RAD51B: variants seen among roughly 807,000 people sequenced by gnomAD.
The protein encoded by RAD51B is DNA repair protein RAD51 homolog 2.
A neutral mutation model predicts 42.2 loss-of-function variants in RAD51B; 38 were observed. That is an observed-to-expected ratio of 0.90 (90% CI 0.70 to 1.18). The LOEUF (loss-of-function observed/expected upper bound fraction) is 1.18, where lower values mean the gene tolerates loss of function less well. Among genes scored for constraint, RAD51B ranks in the 50% most tolerant of loss-of-function variants. The pLI is 0.00. For missense variants in RAD51B, 373 were observed against 400.7 expected (o/e 0.93, Z 0.59); for synonymous variants, 154 against 145.2 (o/e 1.06, Z -0.43).
chr14:68,627,709 A>G (rs1254974494), intron 10 of RAD51B, among the ~76,000 whole-genome samples: 1 of 152,178 alleles, frequency 6.6e-6, no homozygotes, highest in Non-Finnish European at 1.5e-5. Flanking sequence ...TACTTTGCAC[A>G]TGCCACCTCC....
chr14:67,997,748 C>T (rs1346954267), intron 7 of RAD51B, among the ~76,000 whole-genome samples: 1 of 152,154 alleles, frequency 6.6e-6, no homozygotes, highest in Non-Finnish European at 1.5e-5. Flanking sequence ...TAAGTTCAAC[C>T]AGTTAATACT....
intron 4 of RAD51B, among the ~76,000 whole-genome samples, chr14:67,858,278 T>C (rs2042060742): frequency 6.6e-6 from 1 of 152,126 alleles, no homozygotes; most frequent in Non-Finnish European, 1.5e-5. Context: ...ATGAGGTCAG[T>C]TGGACAATTG....
chr14:68,302,551 G>A (rs745847057), intron 8 of RAD51B, among the ~76,000 whole-genome samples: 17 of 152,166 alleles, frequency 1.1e-4, no homozygotes, highest in Non-Finnish European at 2.1e-4. Flanking sequence ...ACCCAGTGGC[G>A]CTAGAGGAAT....
At chr14:67,954,776 G>A (rs889024256) in intron 7 of RAD51B, among the ~76,000 whole-genome samples, 2 of 152,154 alleles carry the variant, frequency 1.3e-5, no homozygotes, top group African/African-American at 2.4e-5. Context: ...ATTGAAAAAA[G>A]TAAGCATATT....
At chr14:68,162,811 A>G (rs576900757) in intron 7 of RAD51B, among the ~76,000 whole-genome samples, 1 of 152,242 alleles carries the variant, frequency 6.6e-6, no homozygotes, top group South Asian at 2.1e-4. Context: ...CAAAACAAAC[A>G]AACAAACAAA....
chr14:68,171,367 T>C (rs888301513), intron 7 of RAD51B, among the ~76,000 whole-genome samples: 1 of 152,014 alleles, frequency 6.6e-6, no homozygotes, highest in African/African-American at 2.4e-5. Flanking sequence ...GGCAGCAATC[T>C]CAGCTCACTG....
intron 7 of RAD51B, among the ~76,000 whole-genome samples, chr14:68,167,229 A>G (rs1310396340): frequency 6.6e-6 from 1 of 152,116 alleles, no homozygotes; most frequent in Non-Finnish European, 1.5e-5. Context: ...CCTCTGTTCT[A>G]GTCACACTGA....
downstream of RAD51B, among the ~76,000 whole-genome samples, chr14:68,600,577 G>T (rs1891178618): frequency 6.6e-6 from 1 of 152,172 alleles, no homozygotes; most frequent in South Asian, 2.1e-4. Context: ...ACCCGCTGGG[G>T]CCACAGTAGA....
chr14:68,672,895 A>G (rs1045189956), intron 11 of RAD51B, among the ~76,000 whole-genome samples: 6 of 152,200 alleles, frequency 3.9e-5, no homozygotes, highest in Admixed American at 3.9e-4. Context: ...AGTCTGCAAT[A>G]CATCCCCCTG....
intron 10 of RAD51B, among the ~76,000 whole-genome samples, chr14:68,583,275 T>C (rs1890296173): frequency 6.6e-6 from 1 of 152,168 alleles, no homozygotes; most frequent in African/African-American, 2.4e-5. Context: ...CCTGCAGACC[T>C]GCCAGGAGGG....
chr14:68,123,266 C>T (rs1350647288), intron 7 of RAD51B, among the ~76,000 whole-genome samples: 2 of 150,426 alleles, frequency 1.3e-5, no homozygotes, highest in Admixed American at 6.6e-5. Flanking sequence ...TGGCTTACTC[C>T]AGCCTCAACC....
Position 68,319,653 on chromosome 14 carries a change from G to C in RAD51B, c.853+27673G>C, listed in dbSNP as rs35308156. 2.7e-3 allele frequency among the ~76,000 whole-genome samples: 418 copies of C among 152,248 alleles called. 2 individuals are homozygous for C. Among genetic ancestry groups the C allele is most frequent in the African/African-American group, 9.6e-3 (399 of 41,530 alleles). ...AGAGTTATACCTTGTAGATCACCTG[G>C]ATGCTTCTGTGTTCCAGCTTTAACT... On this transcript the variant is annotated intron_variant, in intron 8 of 10. Transcript: ENST00000471583.
intron 7 of RAD51B, among the ~76,000 whole-genome samples, chr14:67,936,143 T>C (rs1566967200): frequency 6.6e-6 from 1 of 152,150 alleles, no homozygotes; most frequent in Non-Finnish European, 1.5e-5. Context: ...TATAGGGTTC[T>C]TTTTTTAGCA....
intron 7 of RAD51B, among the ~76,000 whole-genome samples, chr14:68,049,845 G>T (rs1038659306): frequency 1.3e-5 from 2 of 152,052 alleles, no homozygotes; most frequent in African/African-American, 4.8e-5. Flanking sequence ...CTCCAAGAAG[G>T]CCTTGAATGT....
chr14:68,417,473 T>C (rs943541712), intron 9 of RAD51B, among the ~76,000 whole-genome samples: 1 of 152,238 alleles, frequency 6.6e-6, no homozygotes, highest in African/African-American at 2.4e-5. Flanking sequence ...CCCACACTCT[T>C]GCAACAGAAG....
chr14:68,480,483 CT>C (rs1883090950), downstream of RAD51B, among the ~76,000 whole-genome samples: 2 of 152,148 alleles, frequency 1.3e-5, no homozygotes, highest in Admixed American at 1.3e-4. Context: ...TATGGGGTGA[CT>C]GAGACACCCC....
chr14:68,013,139 G>A, intron 7 of RAD51B, among the ~76,000 whole-genome samples: 1 of 152,138 alleles, frequency 6.6e-6, no homozygotes, highest in East Asian at 1.9e-4. Flanking sequence ...TCATTTATAT[G>A]TCTGGCAGAT....
intron 7 of RAD51B, among the ~76,000 whole-genome samples, chr14:67,948,055 A>G (rs1566973158): frequency 1.3e-5 from 2 of 151,924 alleles, no homozygotes; most frequent in African/African-American, 2.4e-5. Context: ...TCTATTTGTT[A>G]AGGAAAAAAT....
chr14:68,619,222 C>T (rs1369403479), intron 10 of RAD51B, among the ~76,000 whole-genome samples: 1 of 152,112 alleles, frequency 6.6e-6, no homozygotes, highest in African/African-American at 2.4e-5. Flanking sequence ...CGCCTGTAAT[C>T]CCAGCACTTT....
Sources: gnomAD v4.1 joint callset for allele counts (sites outside exome capture counted in the v4.1 genomes callset) on GRCh38, gnomAD v4.1.1 for gene constraint, MANE v1.5 for transcripts, NCBI Gene and HGNC (gene_info 2026-07-23, HGNC 2026-07-21) for gene names.